The following EPB41L4B variants were observed in gnomAD, a reference collection of about 807,000 sequenced individuals.
EPB41L4B encodes the protein band 4.1-like protein 4B.
A neutral mutation model predicts 112.5 loss-of-function variants in EPB41L4B; 30 were observed. The observed-to-expected ratio is 0.27, with a 90% CI of 0.20 to 0.36. The LOEUF (loss-of-function observed/expected upper bound fraction) is 0.36, where lower values mean the gene tolerates loss of function less well. EPB41L4B is among the 10% of genes least tolerant of loss of function. EPB41L4B has a pLI of 1.00. For synonymous variants in EPB41L4B, 408 were observed against 439.7 expected, an observed-to-expected ratio of 0.93 and a Z score of 0.90; for missense variants, 1,024 against 1,133.3, an observed-to-expected ratio of 0.90 and a Z score of 1.38.
chr9:109,207,779 C>A (rs897843682), intron 18 of EPB41L4B, 145 bp downstream of exon 18: 1 of 926,506 alleles, frequency 1.1e-6, no homozygotes, highest in Non-Finnish European at 1.6e-6. Flanking sequence ...GTTCACATAT[C>A]AGGTATGGTT....
rs200252386 is a variant in EPB41L4B, at chr9:109,258,160, C to T, written c.752+17G>A. 70 of 1,607,126 alleles carry T rather than the reference C, an allele frequency of 4.4e-5. No individual in the cohort carries two copies. The South Asian group carries it at 4.6e-4, about 11-fold the overall frequency. ...AAAATAGATACATCAGAATGCTAGA[C>T]GGTTGCATCAAGGTACCTGCACTCT... On this transcript the variant is annotated intron_variant, in intron 7 of 25. Transcript: ENST00000374566.
chr9:109,242,915 T>C (rs1337992605), intron 15 of EPB41L4B, among the ~76,000 whole-genome samples: 1 of 150,812 alleles, frequency 6.6e-6, no homozygotes, highest in Non-Finnish European at 1.5e-5. Context: ...CAGATGCCAG[T>C]TGGCTTAGAA....
Position 109,255,546 on chromosome 9 carries a change from G to T in EPB41L4B, c.1134C>A (p.Ser378=), listed in dbSNP as rs775222249. Residue 378 remains serine, a synonymous_variant, in exon 11 of 26, where the codon TCC becomes TCA. Coordinates refer to ENST00000374566, the MANE Select transcript of EPB41L4B (RefSeq NM_019114.5). ...RTPGNSKSNR[S]DFIRLGSRFR... is the part of the protein sequence containing the mutation. ...AGCGAGAGCCCAGCCTGATAAAGTC[G>T]GATCTATTGGATTTGCTGTTTCCTG... The T allele has an allele frequency of 3.1e-6, 5 of 1,614,062 alleles. No homozygotes were observed. In the Admixed American group the frequency reaches 5.0e-5, roughly 16 times the overall value.
intron 7 of EPB41L4B, 95 bp downstream of exon 7, chr9:109,258,082 A>G (rs1835051429): frequency 7.1e-7 from 1 of 1,410,778 alleles, no homozygotes; most frequent in African/African-American, 1.4e-5. Context: ...ATGGCCATCA[A>G]CAGAACAATT....
intron 15 of EPB41L4B, among the ~76,000 whole-genome samples, chr9:109,242,861 A>C (rs563984929): frequency 1.4e-4 from 22 of 151,866 alleles, no homozygotes; most frequent in African/African-American, 2.2e-4. Flanking sequence ...AAAAAAAAAA[A>C]AAAAACAAAA....
At chr9:109,258,912 G>A (rs1294311530) in intron 6 of EPB41L4B, among the ~76,000 whole-genome samples, 1 of 152,158 alleles carries the variant, frequency 6.6e-6, no homozygotes, top group Non-Finnish European at 1.5e-5. Context: ...AGTGATCCGA[G>A]CAAGAAGCCC....
chr9:109,231,541 T>C (rs569271014), intron 15 of EPB41L4B, among the ~76,000 whole-genome samples: 8 of 152,364 alleles, frequency 5.3e-5, no homozygotes, highest in African/African-American at 1.7e-4. Context: ...CCTAACTACA[T>C]TATGTAGTCT....
chr9:109,196,623 T>A (rs530575440), intron 20 of EPB41L4B, among the ~76,000 whole-genome samples: 1 of 142,346 alleles, frequency 7.0e-6, no homozygotes, highest in South Asian at 2.2e-4. Context: ...AAGGCTGAGG[T>A]GGGAGGATCA....
At chr9:109,178,161 C>T (rs1013352497) in intron 24 of EPB41L4B, among the ~76,000 whole-genome samples, 4 of 151,290 alleles carry the variant, frequency 2.6e-5, no homozygotes, top group Non-Finnish European at 5.9e-5. Context: ...AGTGATCCTC[C>T]CACTTTAGCC....
chr9:109,242,359 CTGTTT>C (rs1834382823), intron 15 of EPB41L4B, among the ~76,000 whole-genome samples: 2 of 152,350 alleles, frequency 1.3e-5, no homozygotes, highest in East Asian at 3.9e-4. Flanking sequence ...CAGAGAGGCA[CTGTTT>C]ACGGCTTTCC....
intron 1 of EPB41L4B, among the ~76,000 whole-genome samples, chr9:109,305,325 G>C (rs775418372): frequency 6.6e-6 from 1 of 152,126 alleles, no homozygotes; most frequent in Non-Finnish European, 1.5e-5. Context: ...CAGCCAATAC[G>C]AAGGCAGCAC....
rs1273819256 is a variant in EPB41L4B at position 109,273,219 on chromosome 9, C to G, written c.412-4786G>C. The stretch of plus-strand genomic sequence containing the variant: ...CGGCCTGCCTCCCAGCATTCAGAGA[C>G]AGGATGAGGAGAGGCCTGTGGCATT... On this transcript the variant is annotated intron_variant, in intron 2 of 25. Coordinates refer to ENST00000374566, the MANE Select transcript of EPB41L4B (RefSeq NM_019114.5). 2.0e-5 allele frequency among the ~76,000 whole-genome samples: 3 copies of G among 151,602 alleles called. No homozygotes were observed. The East Asian group carries it at 5.8e-4, about 29-fold the overall frequency.
chr9:109,289,730 T>C (rs1315880178), intron 1 of EPB41L4B, among the ~76,000 whole-genome samples: 1 of 152,224 alleles, frequency 6.6e-6, no homozygotes, highest in African/African-American at 2.4e-5. Flanking sequence ...TGGCCTATCC[T>C]TGTGGCTAAC....
intron 15 of EPB41L4B, among the ~76,000 whole-genome samples, chr9:109,231,157 CAAAA>C (rs57118508): frequency 2.4e-5 from 2 of 82,982 alleles, no homozygotes; most frequent in Admixed American, 2.9e-4. Context: ...AACTCCATCT[CAAAA>C]AAAAAAAAAA....
chr9:109,298,350 G>C (rs1271116940), intron 1 of EPB41L4B, among the ~76,000 whole-genome samples: 1 of 142,040 alleles, frequency 7.0e-6, no homozygotes, highest in East Asian at 2.0e-4. Context: ...GTCTTGCTCT[G>C]TCACCCAGGC....
At chr9:109,298,377 A>T (rs1225167762) in intron 1 of EPB41L4B, among the ~76,000 whole-genome samples, 1 of 150,018 alleles carries the variant, frequency 6.7e-6, no homozygotes, top group Admixed American at 6.7e-5. Context: ...GCAGTGGCGC[A>T]ATCTCGGCTC....
intron 1 of EPB41L4B, among the ~76,000 whole-genome samples, chr9:109,315,487 A>G (rs1334581748): frequency 1.3e-5 from 2 of 152,184 alleles, no homozygotes; most frequent in Non-Finnish European, 2.9e-5. Flanking sequence ...AATGTACCCC[A>G]TCCCTCTTCC....
At chr9:109,244,730 G>T (rs905702010) in intron 14 of EPB41L4B, among the ~76,000 whole-genome samples, 1 of 152,206 alleles carries the variant, frequency 6.6e-6, no homozygotes, top group Non-Finnish European at 1.5e-5. Flanking sequence ...AGAGGGCAGT[G>T]GTCCTAGACA....
At chr9:109,285,167 T>G (rs571432492) in intron 1 of EPB41L4B, among the ~76,000 whole-genome samples, 1 of 152,348 alleles carries the variant, frequency 6.6e-6, no homozygotes, top group East Asian at 1.9e-4. Flanking sequence ...TGGGTCTGTT[T>G]TGGTTCTGGG....
Sources: allele counts gnomAD v4.1 joint callset (sites outside exome capture counted in the v4.1 genomes callset), GRCh38; gene constraint gnomAD v4.1.1; transcripts MANE v1.5; gene names NCBI Gene and HGNC (gene_info 2026-07-23, HGNC 2026-07-21).